The following BNC2 variants were observed in gnomAD, a reference collection of about 807,000 sequenced individuals.
BNC2 encodes basonuclin zinc finger protein 2, also known as zinc finger protein basonuclin-2.
Under a neutral mutation model 76.3 loss-of-function variants are expected in BNC2, and 20 were observed. The observed-to-expected ratio is 0.26, with a 90% CI of 0.18 to 0.38. The LOEUF (loss-of-function observed/expected upper bound fraction) is 0.38, where lower values mean the gene tolerates loss of function less well. BNC2 is among the 10% of genes least tolerant of loss of function. BNC2 has a pLI of 1.00. For missense variants in BNC2, 1,382 were observed against 1,399.8 expected (o/e 0.99, Z 0.20); for synonymous variants, 582 against 514.8 (o/e 1.13, Z -1.77).
At chr9:16,830,612 G>A (rs1818558415) in intron 1 of BNC2, among the ~76,000 whole-genome samples, 1 of 152,162 alleles carries the variant, frequency 6.6e-6, no homozygotes, top group Non-Finnish European at 1.5e-5. Flanking sequence ...GATACAGAAG[G>A]CCAACTGTAT....
chr9:16,825,497 C>A (rs949527993), intron 1 of BNC2, among the ~76,000 whole-genome samples: 2 of 152,116 alleles, frequency 1.3e-5, no homozygotes, highest in African/African-American at 4.8e-5. Flanking sequence ...TTTACCAGTT[C>A]ATGACTGCAC....
At chr9:16,805,157 A>G (rs12375569) in intron 1 of BNC2, among the ~76,000 whole-genome samples, 79,266 of 152,046 alleles carry the variant, frequency 0.52, 25,970 homozygotes, top group Non-Finnish European at 0.76. Flanking sequence ...ATTATAAATA[A>G]TCCATGGACA....
rs199720261 is a variant in BNC2, at chr9:16,437,571, T to C, written c.670-47A>G. The C allele has an allele frequency of 1.4e-4, 223 of 1,593,008 alleles. 2 individuals carry two copies. In the East Asian group the frequency reaches 1.5e-3, roughly 11 times the overall value. ...CAACAAAGACAAACACAAAAACTTA[T>C]TGATTGTGCATAATTATTCAATGCA... On this transcript the variant is annotated intron_variant, in intron 5 of 6. Transcript: ENST00000380672.
At chr9:16,541,410 A>G (rs370977934) in intron 5 of BNC2, among the ~76,000 whole-genome samples, 2 of 152,332 alleles carry the variant, frequency 1.3e-5, no homozygotes, top group East Asian at 3.9e-4. Flanking sequence ...AAAATCTGGC[A>G]CAAGCCCATG....
chr9:16,768,770 G>C (rs1825759342), intron 1 of BNC2, among the ~76,000 whole-genome samples: 1 of 152,148 alleles, frequency 6.6e-6, no homozygotes, highest in African/African-American at 2.4e-5. Context: ...GCAAAATTAG[G>C]ATAAGTGCTT....
In BNC2 at chr9:16,414,751, CTTT is replaced by C. The variant is rs1395223696; in HGVS notation, c.*4235_*4237del. ...TCCATCTCAATCTGGTGACTAGCTTCTTTATGCTTTAATTGTCAACGGCCCTCA... is the reference window on the plus strand; with the variant it reads ...TCCATCTCAATCTGGTGACTAGCTTCATGCTTTAATTGTCAACGGCCCTCA... On this transcript the variant is annotated 3_prime_UTR_variant, in exon 7 of 7. Transcript: ENST00000380672. 1 of 152,122 alleles carries C rather than the reference CTTT, an allele frequency of 6.6e-6. No individual in the cohort carries two copies. Among genetic ancestry groups the C allele is most frequent in the African/African-American group, 2.4e-5 (1 of 41,402 alleles). 9.4% of individuals were successfully genotyped at this position (152,122 alleles called of 1,614,324 possible). A position where few individuals can be genotyped will look rare whatever the true frequency, so the allele number is the denominator to read the frequency against.
At chr9:16,444,578 A>T (rs1821193919) in intron 5 of BNC2, among the ~76,000 whole-genome samples, 1 of 152,168 alleles carries the variant, frequency 6.6e-6, no homozygotes, top group Non-Finnish European at 1.5e-5. Context: ...ATCTCAGGTA[A>T]TATGAACAGG....
intron 1 of BNC2, among the ~76,000 whole-genome samples, chr9:16,785,634 G>C (rs573326614): frequency 6.7e-6 from 1 of 150,024 alleles, no homozygotes; most frequent in Non-Finnish European, 1.5e-5. Flanking sequence ...CTGACCTCAG[G>C]TGATCGGCCC....
chr9:16,435,903 C>T lies in BNC2; in HGVS notation c.2291G>A (p.Ser764Asn), dbSNP rs771036938. 1 of 1,614,016 alleles carries T rather than the reference C, an allele frequency of 6.2e-7. No individual in the cohort carries two copies. Among genetic ancestry groups the T allele is most frequent in the South Asian group, 1.1e-5 (1 of 91,078 alleles). ...GATGACGTCCTGGTGAGAGGGCTCA[C>T]TGTGGTTCTCATCAGGCCTCTCACT... ...MNSERPDENH[S>N]EPSHQDVIKV... Residue 764 changes from serine (S) to asparagine (N), a missense_variant, in exon 6 of 7, where the codon AGT becomes AAT. Physicochemically the swap from Ser to Asn is conservative, Grantham distance 46 (BLOSUM62 1). Around this residue, in one of 3 missense-constraint regions of BNC2, gnomAD observed 798 missense variants for 775.5 expected, o/e 1.03. Transcript: ENST00000380672.
intron 1 of BNC2, among the ~76,000 whole-genome samples, chr9:16,838,582 G>C (rs910867701): frequency 2.0e-5 from 3 of 152,134 alleles, no homozygotes; most frequent in Non-Finnish European, 4.4e-5. Flanking sequence ...AATGCGAGTT[G>C]TTACCTCAAA....
chr9:16,454,126 T>C (rs1184734961), intron 5 of BNC2, among the ~76,000 whole-genome samples: 1 of 152,138 alleles, frequency 6.6e-6, no homozygotes, highest in South Asian at 2.1e-4. Context: ...AGAAGTCCCA[T>C]TCTGCTTTTT....
intron 1 of BNC2, among the ~76,000 whole-genome samples, chr9:16,808,091 G>A (rs1419301517): frequency 6.6e-6 from 1 of 152,094 alleles, no homozygotes; most frequent in Middle Eastern, 3.2e-3. Context: ...TTAAAAATGT[G>A]TAACTCACCT....
intron 6 of BNC2, chr9:16,429,206 A>C (rs1452870225): frequency 6.6e-6 from 1 of 152,232 alleles, no homozygotes; most frequent in Non-Finnish European, 1.5e-5. Context: ...ATTTAGGCAA[A>C]GAAGGTATCC....
At chr9:16,739,696 T>C (rs1285555654) in intron 1 of BNC2, among the ~76,000 whole-genome samples, 2 of 151,280 alleles carry the variant, frequency 1.3e-5, no homozygotes, top group Non-Finnish European at 2.9e-5. Flanking sequence ...ATAATCTGGG[T>C]AAATTACTGG....
chr9:16,511,687 C>G (rs185914231), intron 5 of BNC2, among the ~76,000 whole-genome samples: 17 of 152,124 alleles, frequency 1.1e-4, no homozygotes, highest in South Asian at 6.2e-4. Flanking sequence ...CCTCAGCCCC[C>G]CAAAGTGCTG....
chr9:16,496,847 G>C (rs1411477836), intron 5 of BNC2, among the ~76,000 whole-genome samples: 1 of 152,160 alleles, frequency 6.6e-6, no homozygotes, highest in Admixed American at 6.5e-5. Flanking sequence ...GTATTTACCA[G>C]ACACCCAGTT....
chr9:16,784,879 T>C lies in BNC2; in HGVS notation c.4-46394A>G, dbSNP rs192139737. 5.6e-3 allele frequency among the ~76,000 whole-genome samples: 858 copies of C among 152,256 alleles called. 8 individuals are homozygous for C. The highest frequency in any genetic ancestry group is 0.019 in the African/African-American group (810 of 41,548). ...AGGAGAGGACTGTTCCAGAAGGCAATGCAAACTAAAACAATCTACTTCCAG... is the reference window on the plus strand; with the variant it reads ...AGGAGAGGACTGTTCCAGAAGGCAACGCAAACTAAAACAATCTACTTCCAG... On this transcript the variant is annotated intron_variant, in intron 1 of 6. Coordinates refer to ENST00000380672, the MANE Select transcript of BNC2 (RefSeq NM_017637.6).
chr9:16,745,759 C>T (rs1028772850), intron 1 of BNC2, among the ~76,000 whole-genome samples: 20 of 152,140 alleles, frequency 1.3e-4, no homozygotes, highest in African/African-American at 4.8e-4. Flanking sequence ...TTCCTAAACC[C>T]TAGATTGTTT....
At chr9:16,433,753 T>C (rs1431031525) in intron 6 of BNC2, among the ~76,000 whole-genome samples, 1 of 152,172 alleles carries the variant, frequency 6.6e-6, no homozygotes, top group Admixed American at 6.5e-5. Context: ...TGCTGTGACT[T>C]GCAATATTTT....
Sources: allele counts gnomAD v4.1 joint callset (sites outside exome capture counted in the v4.1 genomes callset), GRCh38; gene constraint gnomAD v4.1.1; regional missense constraint gnomAD v4.1.1; transcripts MANE v1.5; gene names NCBI Gene and HGNC (gene_info 2026-07-23, HGNC 2026-07-21).